The following CDH13 variants were observed in gnomAD, a reference collection of about 807,000 sequenced individuals.
CDH13 encodes the protein cadherin 13, also known as cadherin-13.
A neutral mutation model predicts 63.8 loss-of-function variants in CDH13; 24 were observed. The observed-to-expected ratio is 0.38, with a 90% CI of 0.27 to 0.53. The LOEUF (loss-of-function observed/expected upper bound fraction) is 0.53, where lower values mean the gene tolerates loss of function less well. Ranked by LOEUF, CDH13 falls within the 20% of genes least tolerant of loss-of-function variation. The pLI is 0.85. For synonymous variants in CDH13, 503 were observed against 355.3 expected (o/e 1.42, Z -4.67); for missense variants, 1,049 against 903.1 (o/e 1.16, Z -2.07).
chr16:82,871,149 G>T (rs1042505943), intron 2 of CDH13, among the ~76,000 whole-genome samples: 2 of 152,232 alleles, frequency 1.3e-5, no homozygotes, highest in African/African-American at 4.8e-5. Context: ...GCAGAATACA[G>T]TGCTAAGGGG....
intron 2 of CDH13, among the ~76,000 whole-genome samples, chr16:82,891,613 G>C (rs1456356850): frequency 6.6e-6 from 1 of 152,210 alleles, no homozygotes; most frequent in Non-Finnish European, 1.5e-5. Flanking sequence ...TACCATCCCA[G>C]TAGAAGTAGG....
intron 2 of CDH13, among the ~76,000 whole-genome samples, chr16:82,995,619 T>G (rs925032683): frequency 2.6e-5 from 4 of 152,174 alleles, no homozygotes; most frequent in Non-Finnish European, 2.9e-5. Context: ...TGCTTTAAAC[T>G]ACTGAATCTG....
intron 1 of CDH13, among the ~76,000 whole-genome samples, chr16:82,854,651 G>T (rs1456962120): frequency 6.6e-6 from 1 of 152,168 alleles, no homozygotes; most frequent in African/African-American, 2.4e-5. Flanking sequence ...CCTTTATGCA[G>T]ATAATTCGTA....
chr16:82,904,635 A>C (rs1480410767), intron 2 of CDH13, among the ~76,000 whole-genome samples: 1 of 152,206 alleles, frequency 6.6e-6, no homozygotes, highest in Non-Finnish European at 1.5e-5. Flanking sequence ...GTACATGTGC[A>C]ATTCAAGATA....
chr16:83,046,933 C>G (rs1212096639), intron 3 of CDH13, among the ~76,000 whole-genome samples: 4 of 152,202 alleles, frequency 2.6e-5, no homozygotes, highest in African/African-American at 9.6e-5. Context: ...TTCCCTTTCC[C>G]CGATGGCTAC....
chr16:83,553,763 G>A (rs1211770379), intron 7 of CDH13, among the ~76,000 whole-genome samples: 1 of 152,142 alleles, frequency 6.6e-6, no homozygotes, highest in South Asian at 2.1e-4. Flanking sequence ...CATAATGTTG[G>A]CTAGGCTGGT....
At chr16:82,657,022 G>C (rs1389443047) in intron 1 of CDH13, among the ~76,000 whole-genome samples, 1 of 149,888 alleles carries the variant, frequency 6.7e-6, no homozygotes, top group Non-Finnish European at 1.5e-5. Flanking sequence ...TCTAAGTTTT[G>C]GTGATTACAA....
At chr16:83,378,818 AT>A (rs2091503701) in intron 6 of CDH13, among the ~76,000 whole-genome samples, 1 of 152,150 alleles carries the variant, frequency 6.6e-6, no homozygotes, top group African/African-American at 2.4e-5. Flanking sequence ...TACCAGAAAG[AT>A]TTTACAAACA....
Position 83,609,336 on chromosome 16 carries a change from G to A in CDH13, c.1101+6742G>A, listed in dbSNP as rs1426589220. Among the ~76,000 whole-genome samples the A allele has an allele frequency of 5.3e-5, 8 of 152,198 alleles. No homozygotes were observed. In the East Asian group the frequency reaches 7.7e-4, roughly 15 times the overall value. On this transcript the variant is annotated intron_variant, in intron 8 of 13. Transcript: ENST00000567109. ...ATGGCCCAGGGAAGCCAAAAGATTG[G>A]GCAACCCAGAACTATGCAATTTCCA...
intron 3 of CDH13, among the ~76,000 whole-genome samples, chr16:83,042,626 T>C (rs760994616): frequency 4.6e-5 from 7 of 152,164 alleles, no homozygotes; most frequent in African/African-American, 1.2e-4. Flanking sequence ...CCTCAGTCCA[T>C]GGAAAAATTG....
chr16:83,528,251 T>C (rs1233436047), intron 7 of CDH13, among the ~76,000 whole-genome samples: 1 of 152,244 alleles, frequency 6.6e-6, no homozygotes, highest in African/African-American at 2.4e-5. Context: ...ACACTATAAC[T>C]GGCTATTTGC....
intron 4 of CDH13, among the ~76,000 whole-genome samples, chr16:83,167,798 T>G (rs903427737): frequency 6.6e-6 from 1 of 151,852 alleles, no homozygotes; most frequent in Admixed American, 6.6e-5. Flanking sequence ...AGAATCAACC[T>G]AGGTGCCCAG....
At chr16:83,692,810 A>G (rs1905038976) in intron 10 of CDH13, among the ~76,000 whole-genome samples, 1 of 152,174 alleles carries the variant, frequency 6.6e-6, no homozygotes. Flanking sequence ...CCGGCTGGGC[A>G]CGGTGGCTTA....
rs552555678 is a variant in CDH13, at chr16:82,911,495, C to T, written c.157+53022C>T. Among the ~76,000 whole-genome samples, 68 of 152,276 alleles carry T rather than the reference C, an allele frequency of 4.5e-4. 1 individual carries two copies. Among genetic ancestry groups the T allele is most frequent in the African/African-American group, 1.5e-3 (63 of 41,554 alleles). On this transcript the variant is annotated intron_variant, in intron 2 of 13. Transcript: ENST00000567109. ...ACGGAATCTTGATGTTGCCTCCTGC[C>T]TGCTGTACTGTCCTGGTTAAATCCT...
chr16:83,387,418 G>A (rs2091696587), intron 6 of CDH13, among the ~76,000 whole-genome samples: 1 of 152,204 alleles, frequency 6.6e-6, no homozygotes, highest in Non-Finnish European at 1.5e-5. Flanking sequence ...TTGGGCCTCA[G>A]TGGAGCTCAA....
At position 83,328,123 on chromosome 16, in the gene CDH13, CA is replaced by C. The variant is rs56838139; in HGVS notation, c.637-16724del. 7.8e-3 allele frequency among the ~76,000 whole-genome samples: 1,068 copies of C among 136,068 alleles called. 11 individuals are homozygous for C. Among genetic ancestry groups the C allele is most frequent in the African/African-American group, 0.02 (749 of 36,612 alleles). 89.3% of individuals were successfully genotyped at this position (136,068 alleles called of 152,430 possible). The stretch of plus-strand genomic sequence containing the variant: ...ACTCCAGCCCAGGAGACAGTATTGT[CA>C]AAAAAAAAAAAAAAGAAAAAGAAAA... On this transcript the variant is annotated intron_variant, in intron 5 of 13. Transcript: ENST00000567109.
chr16:83,191,995 G>A (rs1346407349), intron 4 of CDH13, among the ~76,000 whole-genome samples: 1 of 152,128 alleles, frequency 6.6e-6, no homozygotes, highest in Admixed American at 6.5e-5. Flanking sequence ...GCAAAAGCAT[G>A]TAGAATTGAT....
At chr16:83,690,831 C>T (rs1156322146) in intron 10 of CDH13, among the ~76,000 whole-genome samples, 1 of 152,122 alleles carries the variant, frequency 6.6e-6, no homozygotes, top group East Asian at 1.9e-4. Flanking sequence ...CAGTGATTCT[C>T]GTGACTCAGC....
chr16:82,895,779 T>C (rs2041234806), intron 2 of CDH13, among the ~76,000 whole-genome samples: 1 of 152,032 alleles, frequency 6.6e-6, no homozygotes, highest in South Asian at 2.1e-4. Flanking sequence ...ATGAAATAGC[T>C]TTAAGGGAGG....
Sources: gnomAD v4.1 joint callset for allele counts (sites outside exome capture counted in the v4.1 genomes callset) on GRCh38, gnomAD v4.1.1 for gene constraint, MANE v1.5 for transcripts, NCBI Gene and HGNC (gene_info 2026-07-23, HGNC 2026-07-21) for gene names.